CHST11: variants seen among roughly 807,000 people sequenced by gnomAD.
The protein encoded by CHST11 is carbohydrate sulfotransferase 11.
In CHST11, 9 loss-of-function variants were observed where a neutral mutation model predicts 30.4. That is an observed-to-expected ratio of 0.30 (90% CI 0.18 to 0.52). CHST11 has a LOEUF of 0.52. Ranked by LOEUF, CHST11 falls within the 20% of genes least tolerant of loss-of-function variation. The pLI is 0.97. For missense variants in CHST11, 348 were observed against 460.6 expected (o/e 0.76, Z 2.24); for synonymous variants, 152 against 187.8 (o/e 0.81, Z 1.56).
chr12:104,647,273 C>A (rs986336757), intron 2 of CHST11, among the ~76,000 whole-genome samples: 2 of 152,188 alleles, frequency 1.3e-5, no homozygotes, highest in African/African-American at 4.8e-5. Flanking sequence ...AGGTAGACAT[C>A]TTTGTTTTTT....
intron 1 of CHST11, among the ~76,000 whole-genome samples, chr12:104,551,521 T>C (rs1025760000): frequency 6.6e-6 from 1 of 152,160 alleles, no homozygotes; most frequent in African/African-American, 2.4e-5. Flanking sequence ...TTTGAGGTCT[T>C]GCAAGAAGAA....
intron 2 of CHST11, among the ~76,000 whole-genome samples, chr12:104,611,447 T>C (rs549198631): frequency 1.4e-4 from 22 of 152,342 alleles, no homozygotes; most frequent in African/African-American, 4.8e-4. Flanking sequence ...ATCTCACTCA[T>C]TTAAAACGAT....
intron 2 of CHST11, among the ~76,000 whole-genome samples, chr12:104,723,582 A>G (rs2040195133): frequency 6.6e-6 from 1 of 152,210 alleles, no homozygotes; most frequent in African/African-American, 2.4e-5. Context: ...GCTTCTTTAT[A>G]GGGTCTTTGG....
In CHST11 at chr12:104,463,972, T is replaced by C. The variant is rs188543723; in HGVS notation, c.118+6443T>C. Among the ~76,000 whole-genome samples, 783 of 152,022 alleles carry C rather than the reference T, an allele frequency of 5.2e-3. 4 individuals are homozygous for C. Among genetic ancestry groups the C allele is most frequent in the Non-Finnish European group, 7.6e-3 (515 of 67,966 alleles). The stretch of plus-strand genomic sequence containing the variant: ...TTAACTGTAGATGGGAGGGAAGCGC[T>C]GCAGAAGCTTGAGCAGAGGTCTCTT... On this transcript the variant is annotated intron_variant, in intron 1 of 2. Transcript: ENST00000303694.
chr12:104,753,037 A>G (rs1026486570), intron 2 of CHST11, among the ~76,000 whole-genome samples: 17 of 152,234 alleles, frequency 1.1e-4, no homozygotes, highest in African/African-American at 3.9e-4. Context: ...CAGACACTTC[A>G]TGCCAGAATG....
chr12:104,686,383 G>A (rs565547859), intron 2 of CHST11, among the ~76,000 whole-genome samples: 2 of 152,208 alleles, frequency 1.3e-5, no homozygotes, highest in African/African-American at 4.8e-5. Context: ...CTGAGAGAGA[G>A]TCCTCTGCTC....
chr12:104,646,092 G>C (rs981218109), intron 2 of CHST11, among the ~76,000 whole-genome samples: 1 of 152,220 alleles, frequency 6.6e-6, no homozygotes, highest in South Asian at 2.1e-4. Context: ...ATGGACCCAG[G>C]TAATGGCTCC....
At chr12:104,604,426 G>C (rs920130915) in intron 2 of CHST11, among the ~76,000 whole-genome samples, 1 of 152,150 alleles carries the variant, frequency 6.6e-6, no homozygotes, top group Non-Finnish European at 1.5e-5. Flanking sequence ...TCTTAGGCTG[G>C]TTTCCTTTAC....
At chr12:104,611,996 C>G (rs1022893268) in intron 2 of CHST11, among the ~76,000 whole-genome samples, 1 of 152,210 alleles carries the variant, frequency 6.6e-6, no homozygotes, top group Non-Finnish European at 1.5e-5. Flanking sequence ...CCCACCCTCT[C>G]TCGCCGCTTA....
At chr12:104,625,312 T>A (rs1435635645) in intron 2 of CHST11, among the ~76,000 whole-genome samples, 2 of 152,206 alleles carry the variant, frequency 1.3e-5, no homozygotes, top group Non-Finnish European at 2.9e-5. Context: ...CTTTTTCTTT[T>A]TCTTTTTCTG....
At chr12:104,549,351 G>C (rs1277402898) in intron 1 of CHST11, among the ~76,000 whole-genome samples, 1 of 152,172 alleles carries the variant, frequency 6.6e-6, no homozygotes, top group Non-Finnish European at 1.5e-5. Flanking sequence ...TCTGTGGCAG[G>C]CAAAATATAT....
In CHST11 at chr12:104,757,491, C is replaced by G. The variant is rs1273373605; in HGVS notation, c.747C>G (p.Thr249=). 1.2e-6 allele frequency: 2 copies of G among 1,614,084 alleles called. No individual in the cohort carries two copies. The highest frequency in any genetic ancestry group is 8.5e-7 in the Non-Finnish European group (1 of 1,180,032). Reference sequence around the variant, plus strand: ...TGGCCTATCTCATCGACCCACACACCCAGCGGGAGGAGCCTTTCAACGAAC... The same window carrying G: ...TGGCCTATCTCATCGACCCACACACGCAGCGGGAGGAGCCTTTCAACGAAC... ...EFVAYLIDPH[T]QREEPFNEHW... is the part of the protein sequence containing the mutation. Residue 249 remains threonine (T), a synonymous_variant, in exon 3 of 3, where the codon ACC becomes ACG. Coordinates refer to ENST00000303694, the MANE Select transcript of CHST11 (RefSeq NM_018413.6). This position sits in a 1 kb window ranked among gnomAD's most constrained non-coding sequence, Gnocchi z 6.5.
intron 1 of CHST11, among the ~76,000 whole-genome samples, chr12:104,465,344 TG>T (rs1301094460): frequency 6.6e-6 from 1 of 152,246 alleles, no homozygotes; most frequent in African/African-American, 2.4e-5. Flanking sequence ...ACGATGAGGT[TG>T]GTTAAGAGTT....
At chr12:104,553,598 AGAGT>A (rs1327084125) in intron 1 of CHST11, among the ~76,000 whole-genome samples, 134 of 132,606 alleles carry the variant, frequency 1.0e-3, no homozygotes, top group Admixed American at 3.2e-3. Context: ...AGAGAGAGAG[AGAGT>A]GAGAACTAGG....
At chr12:104,667,619 C>T (rs930914194) in intron 2 of CHST11, among the ~76,000 whole-genome samples, 15 of 152,106 alleles carry the variant, frequency 9.9e-5, no homozygotes, top group African/African-American at 2.9e-4. Context: ...CTAGGACTTC[C>T]GCATGCATCC....
At position 104,758,600 on chromosome 12, in the gene CHST11, G is replaced by T. The variant is rs1057486288; in HGVS notation, c.*797G>T. ...TACTAGGCCCTGAAGATAGAGCGTT[G>T]AACAAACCCAATAGTCTTGGCCCTC... On this transcript the variant is annotated 3_prime_UTR_variant, in exon 3 of 3. Transcript: ENST00000303694. 6 of 152,090 alleles carry T rather than the reference G, an allele frequency of 3.9e-5. No homozygotes were observed. Among genetic ancestry groups the T allele is most frequent in the African/African-American group, 1.4e-4 (6 of 41,412 alleles). 9.4% of individuals were successfully genotyped at this position (152,090 alleles called of 1,614,324 possible).
intron 1 of CHST11, among the ~76,000 whole-genome samples, chr12:104,575,410 G>A (rs552681759): frequency 3.0e-4 from 45 of 152,298 alleles, no homozygotes; most frequent in Admixed American, 2.3e-3. Flanking sequence ...GGACAGGGAT[G>A]AGGCCATGTC....
chr12:104,692,156 G>T (rs1001489423), intron 2 of CHST11, among the ~76,000 whole-genome samples: 1 of 152,208 alleles, frequency 6.6e-6, no homozygotes, highest in African/African-American at 2.4e-5. Flanking sequence ...CCCCAAAGCA[G>T]CTCCTGTTCA....
chr12:104,728,903 G>C (rs2040235568), intron 2 of CHST11, among the ~76,000 whole-genome samples: 1 of 152,154 alleles, frequency 6.6e-6, no homozygotes, highest in South Asian at 2.1e-4. Context: ...CCAGAATCAA[G>C]AGCCAGTTAG....
Sources: allele counts gnomAD v4.1 joint callset (sites outside exome capture counted in the v4.1 genomes callset), GRCh38; gene constraint gnomAD v4.1.1; non-coding constraint Gnocchi (gnomAD v3.1); transcripts MANE v1.5; gene names NCBI Gene and HGNC (gene_info 2026-07-23, HGNC 2026-07-21).